Variants in USP13 observed in about 807,000 individuals in gnomAD.
The protein encoded by USP13 is ubiquitin carboxyl-terminal hydrolase 13.
In USP13, 68 loss-of-function variants were observed where a neutral mutation model predicts 107.8. That is an observed-to-expected ratio of 0.63 (90% confidence interval 0.52 to 0.77). The LOEUF (loss-of-function observed/expected upper bound fraction) is 0.77, where lower values mean the gene tolerates loss of function less well. Among genes scored for constraint, USP13 ranks in the 30% least tolerant of loss-of-function variants. USP13 has a pLI of 0.00. For missense variants in USP13, 945 were observed against 1,093.3 expected, an observed-to-expected ratio of 0.86 and a Z score of 1.91; for synonymous variants, 377 against 389.5, an observed-to-expected ratio of 0.97 and a Z score of 0.38.
chr3:179,765,271 A>G (rs1560079612), intron 18 of USP13, among the ~76,000 whole-genome samples: 4 of 152,186 alleles, frequency 2.6e-5, no homozygotes, highest in African/African-American at 7.2e-5. Context: ...GCATCCCTCT[A>G]TTGTTCAGTT....
intron 4 of USP13, among the ~76,000 whole-genome samples, chr3:179,705,593 A>G (rs1421949196): frequency 6.6e-6 from 1 of 152,192 alleles, no homozygotes; most frequent in African/African-American, 2.4e-5. Flanking sequence ...ATGTTGTAGC[A>G]TGTATCAATA....
At chr3:179,688,976 G>A (rs1711995214) in intron 2 of USP13, among the ~76,000 whole-genome samples, 1 of 152,208 alleles carries the variant, frequency 6.6e-6, no homozygotes, top group African/African-American at 2.4e-5. Context: ...CCTAAGATGT[G>A]AACTGTAAAC....
At chr3:179,710,272 A>G (rs150276808) in intron 6 of USP13, among the ~76,000 whole-genome samples, 104 of 152,294 alleles carry the variant, frequency 6.8e-4, no homozygotes, top group African/African-American at 2.5e-3. Flanking sequence ...TTGTTATTCA[A>G]TGAGTGGGTG....
chr3:179,667,840 G>T (rs1409477678), intron 1 of USP13, among the ~76,000 whole-genome samples: 1 of 152,142 alleles, frequency 6.6e-6, no homozygotes, highest in Non-Finnish European at 1.5e-5. Flanking sequence ...TAGAGACGGG[G>T]TTTCTCCATA....
At chr3:179,669,366 A>T (rs187739955) in intron 1 of USP13, among the ~76,000 whole-genome samples, 8 of 152,272 alleles carry the variant, frequency 5.3e-5, no homozygotes, top group Non-Finnish European at 1.2e-4. Context: ...ATGCTGAGGC[A>T]CGAGAATCTC....
intron 19 of USP13, among the ~76,000 whole-genome samples, chr3:179,774,497 G>T (rs1576993328): frequency 1.3e-5 from 2 of 151,888 alleles, no homozygotes; most frequent in East Asian, 1.9e-4. Flanking sequence ...AAGTGCTACA[G>T]CTCTTAAGGC....
rs780877314 is a variant in USP13 at position 179,742,455 on chromosome 3, A to C, written c.1534+105A>C. ...ACTGAAGTGTGTCAGGAGTAGACCC[A>C]GCCCAGGTGATGTCTGCTTTGCACA... On this transcript the variant is annotated intron_variant, in intron 12 of 20. Coordinates refer to ENST00000263966, the MANE Select transcript of USP13 (RefSeq NM_003940.3). The surrounding 1 kb of genome is among the most constrained non-coding windows in gnomAD (Gnocchi z 5.0). The C allele has an allele frequency of 3.6e-6, 5 of 1,392,492 alleles. No individual in the cohort carries two copies. The South Asian group carries it at 6.6e-5, about 18-fold the overall frequency. The allele number at this position is 1,392,492 out of a possible 1,614,324, so 86.3% of individuals were successfully genotyped here.
At chr3:179,664,473 C>T (rs949002521) in intron 1 of USP13, among the ~76,000 whole-genome samples, 7 of 152,174 alleles carry the variant, frequency 4.6e-5, no homozygotes, top group East Asian at 1.9e-4. Context: ...AAAAGTGTCT[C>T]GAGTACTTGC....
chr3:179,660,072 C>A lies in USP13; in HGVS notation c.168+6679C>A, dbSNP rs182778087. ...AACAAACAAACAAAACATTTTAACTCGATTTAATTGTACAATTCAGTGGCA... is the reference window on the plus strand; with the variant it reads ...AACAAACAAACAAAACATTTTAACTAGATTTAATTGTACAATTCAGTGGCA... On this transcript the variant is annotated intron_variant, in intron 1 of 20. Transcript: ENST00000263966. Among the ~76,000 whole-genome samples the A allele has an allele frequency of 1.9e-3, 286 of 152,174 alleles. 2 individuals are homozygous for A. Among genetic ancestry groups the A allele is most frequent in the African/African-American group, 6.6e-3 (275 of 41,522 alleles).
chr3:179,681,859 C>A lies in USP13; in HGVS notation c.169-19C>A. 6.2e-7 allele frequency: 1 copy of A among 1,608,248 alleles called. No individual in the cohort carries two copies. ...GGGCTAGGTGTCGTCGGCTAATGTA[C>A]TTTTTCTCTTTCTTCTAGAATTCTG... On this transcript the variant is annotated intron_variant, in intron 1 of 20. Coordinates refer to ENST00000263966, the MANE Select transcript of USP13 (RefSeq NM_003940.3).
chr3:179,653,935 C>T lies in USP13; in HGVS notation c.168+542C>T, dbSNP rs777176029. ...GTCTTTAGAATGTCAGGGCCAGGCG[C>T]GGTGGCTCACGTCTGAAATCCTAGC... On this transcript the variant is annotated intron_variant, in intron 1 of 20. Coordinates refer to ENST00000263966, the MANE Select transcript of USP13 (RefSeq NM_003940.3). The surrounding 1 kb of genome is among the most constrained non-coding windows in gnomAD (Gnocchi z 4.0). Among the ~76,000 whole-genome samples, 1 of 152,164 alleles carries T rather than the reference C, an allele frequency of 6.6e-6. No homozygotes were observed. Among genetic ancestry groups the T allele is most frequent in the Non-Finnish European group, 1.5e-5 (1 of 68,040 alleles).
At chr3:179,700,800 T>C (rs1712489715) in intron 3 of USP13, among the ~76,000 whole-genome samples, 1 of 152,228 alleles carries the variant, frequency 6.6e-6, no homozygotes, top group African/African-American at 2.4e-5. Context: ...CATCAGTCAC[T>C]GATACATAAG....
intron 6 of USP13, among the ~76,000 whole-genome samples, chr3:179,716,900 A>AT (rs373365256): frequency 1.3e-5 from 2 of 151,700 alleles, no homozygotes; most frequent in South Asian, 4.2e-4. Context: ...TTGTTCTAAA[A>AT]TTTTTTTTTA....
rs193177026 is a variant in USP13 at position 179,653,261 on chromosome 3, C to A, written c.36C>A (p.Gly12=). 261 of 1,561,318 alleles carry A rather than the reference C, an allele frequency of 1.7e-4. No individual in the cohort carries two copies. Among genetic ancestry groups the A allele is most frequent in the Non-Finnish European group, 2.2e-4 (255 of 1,153,548 alleles). The change falls in exon 1 of 21, where the codon GGC becomes GGA. Residue 12 remains glycine, a synonymous_variant. Transcript: ENST00000263966. The surrounding 1 kb of genome is among the most constrained non-coding windows in gnomAD (Gnocchi z 4.0). Reference sequence around the variant, plus strand: ...GGGGCGCCCTGTTCGGCATGCCGGGCGGCAGCGGAGGCAGGAAGATGGCTG... The same window carrying A: ...GGGGCGCCCTGTTCGGCATGCCGGGAGGCAGCGGAGGCAGGAAGATGGCTG... ...QRRGALFGMP[G]GSGGRKMAAG...
chr3:179,659,801 G>A (rs571335807), intron 1 of USP13, among the ~76,000 whole-genome samples: 2 of 152,296 alleles, frequency 1.3e-5, no homozygotes, highest in East Asian at 3.9e-4. Context: ...CACTTTGGGA[G>A]GCTGAGGTGG....
intron 16 of USP13, among the ~76,000 whole-genome samples, chr3:179,758,790 G>T (rs772688416): frequency 8.6e-5 from 13 of 151,836 alleles, no homozygotes; most frequent in Non-Finnish European, 1.9e-4. Flanking sequence ...GAGCCACCGC[G>T]CCCGGCCCTT....
At chr3:179,696,442 T>G (rs1378800504) in intron 3 of USP13, among the ~76,000 whole-genome samples, 2 of 151,148 alleles carry the variant, frequency 1.3e-5, no homozygotes, top group Non-Finnish European at 2.9e-5. Context: ...GCGATTCTCC[T>G]GCATTAGCCT....
intron 2 of USP13, among the ~76,000 whole-genome samples, chr3:179,686,140 C>T (rs1711864426): frequency 6.6e-6 from 1 of 152,218 alleles, no homozygotes; most frequent in African/African-American, 2.4e-5. Context: ...TGTCCCACTC[C>T]CGTGAGTGGC....
At chr3:179,717,360 C>G (rs1713145529) in intron 6 of USP13, among the ~76,000 whole-genome samples, 1 of 152,144 alleles carries the variant, frequency 6.6e-6, no homozygotes, top group African/African-American at 2.4e-5. Context: ...TCACTAAACA[C>G]TTTTTGTCTT....
Sources: gnomAD v4.1 joint callset for allele counts (sites outside exome capture counted in the v4.1 genomes callset) on GRCh38, gnomAD v4.1.1 for gene constraint, Gnocchi (gnomAD v3.1) non-coding constraint, MANE v1.5 for transcripts, NCBI Gene and HGNC (gene_info 2026-07-23, HGNC 2026-07-21) for gene names.